The following GLG1 variants were observed in gnomAD, a reference collection of about 807,000 sequenced individuals.
GLG1 encodes golgi glycoprotein 1.
In GLG1, 38 loss-of-function variants were observed where a neutral mutation model predicts 160.5. The ratio of observed to expected loss-of-function variants is 0.24; its 90% CI spans 0.18 to 0.31. The LOEUF is 0.31. GLG1 is among the 10% of genes least tolerant of loss of function. GLG1 has a pLI of 1.00. For synonymous variants in GLG1, 644 were observed against 543.4 expected (o/e 1.19, Z -2.57); for missense variants, 1,373 against 1,505.2 (o/e 0.91, Z 1.45).
At chr16:74,579,027 T>A (rs1957875494) in intron 1 of GLG1, among the ~76,000 whole-genome samples, 1 of 152,170 alleles carries the variant, frequency 6.6e-6, no homozygotes, top group South Asian at 2.1e-4. Flanking sequence ...AGGTTCAGGT[T>A]TGCCCTAGGA....
At chr16:74,582,258 C>T (rs1431990130) in intron 1 of GLG1, among the ~76,000 whole-genome samples, 2 of 152,014 alleles carry the variant, frequency 1.3e-5, no homozygotes, top group Non-Finnish European at 2.9e-5. Flanking sequence ...CCTCTGCCTC[C>T]CAGGTTCAAG....
rs1398166987 is a variant in GLG1 at position 74,450,528 on chromosome 16, A to C, written c.*2639T>G. 6.6e-6 allele frequency: 1 copy of C among 152,222 alleles called. No individual in the cohort carries two copies. Among genetic ancestry groups the C allele is most frequent in the Admixed American group, 6.5e-5 (1 of 15,276 alleles). The allele number at this position is 152,222 out of a possible 1,614,324, so 9.4% of individuals were successfully genotyped here. ...GTAATTGAAGATACTGGCAGAGCTA[A>C]CTTTTCTATTCTGACCATTTATAAA... On this transcript the variant is annotated 3_prime_UTR_variant, in exon 26 of 26. Coordinates refer to ENST00000422840, the MANE Select transcript of GLG1 (RefSeq NM_001145667.2).
chr16:74,560,409 C>G (rs569949703), intron 1 of GLG1, among the ~76,000 whole-genome samples: 1 of 145,690 alleles, frequency 6.9e-6, no homozygotes, highest in Non-Finnish European at 1.5e-5. Context: ...CTCACTGCAA[C>G]CTCCGTCTTC....
intron 4 of GLG1, among the ~76,000 whole-genome samples, chr16:74,499,247 T>C (rs1024747033): frequency 6.6e-6 from 1 of 152,128 alleles, no homozygotes; most frequent in East Asian, 1.9e-4. Context: ...ACTTTCATTT[T>C]TATTTATTTA....
At position 74,448,327 on chromosome 16, in the gene GLG1, T is replaced by A. The variant is rs1396806675; in HGVS notation, c.*4840A>T. On this transcript the variant is annotated 3_prime_UTR_variant, in exon 26 of 26. Coordinates refer to ENST00000422840, the MANE Select transcript of GLG1 (RefSeq NM_001145667.2). ...CAAAGTCTAGTGGAGAGGAGGCGAG[T>A]GGGGAGGAAGGAAGTGTCCCTCAAG... The A allele has an allele frequency of 1.3e-5, 2 of 151,444 alleles. No homozygotes were observed. Among genetic ancestry groups the A allele is most frequent in the Admixed American group, 1.3e-4 (2 of 15,208 alleles). The allele number at this position is 151,444 out of a possible 1,614,324, so 9.4% of individuals were successfully genotyped here. A position where few individuals can be genotyped will look rare whatever the true frequency, so the allele number is the denominator to read the frequency against.
chr16:74,582,132 T>C (rs543801788), intron 1 of GLG1, among the ~76,000 whole-genome samples: 52 of 152,236 alleles, frequency 3.4e-4, no homozygotes, highest in Admixed American at 1.8e-3. Context: ...TGAAAAATAT[T>C]TTAATAAATA....
chr16:74,603,934 G>T (rs1407131265), intron 1 of GLG1, among the ~76,000 whole-genome samples: 2 of 151,518 alleles, frequency 1.3e-5, no homozygotes, highest in East Asian at 1.9e-4. Context: ...TTTCATAGTG[G>T]ACCCATGATA....
intron 2 of GLG1, among the ~76,000 whole-genome samples, chr16:74,521,841 A>C (rs1417282084): frequency 3.3e-5 from 5 of 152,158 alleles, no homozygotes; most frequent in African/African-American, 1.2e-4. Context: ...ACTATTGTCT[A>C]GTCACAGGGG....
At chr16:74,481,262 T>C (rs2015589393) in intron 10 of GLG1, among the ~76,000 whole-genome samples, 1 of 152,216 alleles carries the variant, frequency 6.6e-6, no homozygotes, top group Non-Finnish European at 1.5e-5. Flanking sequence ...CTTATCAATT[T>C]ATGAGACTTG....
chr16:74,454,365 G>A (rs2014442055), intron 25 of GLG1, among the ~76,000 whole-genome samples: 1 of 151,310 alleles, frequency 6.6e-6, no homozygotes, highest in Admixed American at 6.6e-5. Context: ...CACCATGCCT[G>A]GCTAATTAAA....
chr16:74,494,140 C>A (rs998353012), intron 6 of GLG1, among the ~76,000 whole-genome samples: 4 of 150,992 alleles, frequency 2.6e-5, no homozygotes, highest in South Asian at 2.1e-4. Flanking sequence ...TGCCACTGCA[C>A]CCCAGCCTGG....
chr16:74,490,386 C>A (rs1022753543), intron 8 of GLG1, among the ~76,000 whole-genome samples: 2 of 152,300 alleles, frequency 1.3e-5, no homozygotes, highest in African/African-American at 2.4e-5. Context: ...TGTAACAAAC[C>A]TGCACATGTA....
At chr16:74,579,971 G>A (rs1389336664) in intron 1 of GLG1, among the ~76,000 whole-genome samples, 2 of 152,086 alleles carry the variant, frequency 1.3e-5, no homozygotes, top group African/African-American at 4.8e-5. Flanking sequence ...GCTGAGGCAG[G>A]AGAATCGCTT....
At chr16:74,569,184 G>A (rs1055062175) in intron 1 of GLG1, among the ~76,000 whole-genome samples, 2 of 152,216 alleles carry the variant, frequency 1.3e-5, no homozygotes, top group African/African-American at 4.8e-5. Context: ...ACAGATCTGA[G>A]CACAGATTTG....
At chr16:74,588,959 T>C (rs1434360929) in intron 1 of GLG1, among the ~76,000 whole-genome samples, 4 of 150,612 alleles carry the variant, frequency 2.7e-5, no homozygotes, top group East Asian at 2.0e-4. Flanking sequence ...ATTTGGTGAG[T>C]GGCCGGGCAT....
At position 74,480,271 on chromosome 16, in the gene GLG1, G is replaced by A. The variant is rs780898089; in HGVS notation, c.1797C>T (p.His599=). ...TTCCCTGTTCCTCAGTGCGGTAGGC[G>A]TGTCTGTATAAACAAGAGAACACAG... ...QGAVFSCLYR[H]AYRTEEQGRR... is the part of the protein sequence containing the mutation. Residue 599 remains histidine, a synonymous_variant, in exon 11 of 26, where the codon CAC becomes CAT. Transcript: ENST00000422840. The A allele has an allele frequency of 2.0e-5, 33 of 1,611,902 alleles. No homozygotes were observed. The Admixed American group carries it at 3.2e-4, about 15-fold the overall frequency.
At chr16:74,595,716 CACAT>C (rs1206924950) in intron 1 of GLG1, among the ~76,000 whole-genome samples, 1 of 152,174 alleles carries the variant, frequency 6.6e-6, no homozygotes, top group African/African-American at 2.4e-5. Flanking sequence ...GTATGTGAGA[CACAT>C]ACATAATTTT....
At chr16:74,565,235 A>G (rs1246906150) in intron 1 of GLG1, among the ~76,000 whole-genome samples, 5 of 152,156 alleles carry the variant, frequency 3.3e-5, no homozygotes, top group African/African-American at 1.2e-4. Flanking sequence ...AGGCTGAGAC[A>G]TGAGAATCAC....
intron 1 of GLG1, among the ~76,000 whole-genome samples, chr16:74,549,528 C>T (rs767055479): frequency 2.6e-4 from 40 of 152,266 alleles, no homozygotes; most frequent in African/African-American, 5.1e-4. Context: ...CCTCGTGATC[C>T]GCCCGCCTCA....
Sources: gnomAD v4.1 joint callset for allele counts (sites outside exome capture counted in the v4.1 genomes callset) on GRCh38, gnomAD v4.1.1 for gene constraint, MANE v1.5 for transcripts, NCBI Gene and HGNC (gene_info 2026-07-23, HGNC 2026-07-21) for gene names.